The following ZFPM1 variants were observed in gnomAD, a reference collection of about 807,000 sequenced individuals.
The protein encoded by ZFPM1 is zinc finger protein ZFPM1.
In ZFPM1, 28 loss-of-function variants were observed where a neutral mutation model predicts 46.3. That is an observed-to-expected ratio of 0.60 (90% CI 0.45 to 0.83). The LOEUF is 0.83. Ranked by LOEUF, ZFPM1 falls within the 40% of genes least tolerant of loss-of-function variation. The probability of loss-of-function intolerance (pLI) is 0.00; values close to 1 mark genes in which losing one functional copy is unlikely to be tolerated. For synonymous variants in ZFPM1, 957 were observed against 675.9 expected (o/e 1.42, Z -6.45); for missense variants, 1,878 against 1,432.4 (o/e 1.31, Z -5.02).
At position 88,528,105 on chromosome 16, in the gene ZFPM1, GCCCCACAGCA is replaced by G; in HGVS notation, c.584_593del (p.His195ProfsTer5). The G allele has an allele frequency of 6.3e-7, 1 of 1,583,702 alleles. No individual in the cohort carries two copies. The highest frequency in any genetic ancestry group is 8.6e-7 in the Non-Finnish European group (1 of 1,165,910). On this transcript the variant is annotated frameshift_variant, in exon 6 of 10. Transcript: ENST00000319555. LOFTEE classifies it high-confidence loss of function. ...TCCTGAGCGTGCTCCTCACGGCCGA[GCCCCACAGCA>G]CCCCCGGCCACCCTGTGAAGAAGGA...
chr16:88,463,795 C>T (rs939635434), intron 1 of ZFPM1, among the ~76,000 whole-genome samples: 3 of 152,246 alleles, frequency 2.0e-5, no homozygotes, highest in Admixed American at 1.3e-4. Context: ...GAAACTGAGG[C>T]CTTCCTGTGT....
chr16:88,488,799 A>C (rs1909387964), intron 2 of ZFPM1, among the ~76,000 whole-genome samples: 4 of 152,216 alleles, frequency 2.6e-5, no homozygotes, highest in Admixed American at 2.6e-4. Flanking sequence ...CAGCAGCTGG[A>C]ATAACAATTA....
At chr16:88,500,640 C>T (rs1016757649) in intron 3 of ZFPM1, among the ~76,000 whole-genome samples, 9 of 152,386 alleles carry the variant, frequency 5.9e-5, no homozygotes, top group East Asian at 5.8e-4. Flanking sequence ...CCAACCCTCC[C>T]GCTGGCACAA....
chr16:88,503,590 T>C (rs1306655824), intron 3 of ZFPM1, among the ~76,000 whole-genome samples: 5 of 152,120 alleles, frequency 3.3e-5, no homozygotes, highest in African/African-American at 1.2e-4. Context: ...GCCAGCTGCC[T>C]CTCTGTGGAG....
rs914676088 is a variant in ZFPM1, at chr16:88,528,070, G to A, written c.544G>A (p.Ala182Thr). 1.8e-5 allele frequency: 28 copies of A among 1,563,190 alleles called. No homozygotes were observed. Among genetic ancestry groups the A allele is most frequent in the Non-Finnish European group, 2.2e-5 (25 of 1,154,040 alleles). Residue 182 changes from alanine (A) to threonine (T), a missense_variant, in exon 6 of 10, where the codon GCG (alanine) becomes ACG (threonine). Ala to Thr is a moderately conservative substitution (Grantham distance 58). Coordinates refer to ENST00000319555, the MANE Select transcript of ZFPM1 (RefSeq NM_153813.3). ...GTGCAGGGTCACCAAGCCGGTGCCT[G>A]CGGGGGGACTCCTGAGCGTGCTCCT... The part of the protein sequence containing the change: ...LWCRVTKPVP[A>T]GGLLSVLLTA...
At chr16:88,460,794 G>A (rs1162487324) in intron 1 of ZFPM1, among the ~76,000 whole-genome samples, 2 of 152,238 alleles carry the variant, frequency 1.3e-5, no homozygotes, top group Non-Finnish European at 2.9e-5. Context: ...GTCAGGAAGA[G>A]GACCTGACTT....
chr16:88,507,833 C>T (rs1030575342), intron 3 of ZFPM1, among the ~76,000 whole-genome samples: 2 of 152,164 alleles, frequency 1.3e-5, no homozygotes, highest in Non-Finnish European at 2.9e-5. Context: ...TGCAGATGGG[C>T]CCAGCCCCAC....
intron 1 of ZFPM1, among the ~76,000 whole-genome samples, chr16:88,460,922 CG>C (rs1907796742): frequency 3.7e-5 from 1 of 27,194 alleles, no homozygotes; most frequent in Non-Finnish European, 7.6e-5. Context: ...GACCGAGGGG[CG>C]GGGCGGGAGG....
rs903873665 is a variant in ZFPM1 at position 88,522,496 on chromosome 16, G to A, written c.403-4318G>A. The stretch of plus-strand genomic sequence containing the variant: ...GACCGGCCGTTTGGCTCCATGGGCC[G>A]GGCCACCCCAGCAGCCCTGCAAGCT... On this transcript the variant is annotated intron_variant, in intron 4 of 9. Coordinates refer to ENST00000319555, the MANE Select transcript of ZFPM1 (RefSeq NM_153813.3). 3.3e-5 allele frequency among the ~76,000 whole-genome samples: 5 copies of A among 152,348 alleles called. No homozygotes were observed. In the South Asian group the frequency reaches 6.2e-4, roughly 19 times the overall value.
At chr16:88,484,342 C>T (rs748369253) in intron 1 of ZFPM1, among the ~76,000 whole-genome samples, 3 of 152,346 alleles carry the variant, frequency 2.0e-5, no homozygotes, top group East Asian at 1.9e-4. Flanking sequence ...AGGGATGGGG[C>T]GCTCAGCCCT....
At chr16:88,503,348 GC>G (rs1749045053) in intron 3 of ZFPM1, among the ~76,000 whole-genome samples, 1 of 143,540 alleles carries the variant, frequency 7.0e-6, no homozygotes, top group Non-Finnish European at 1.5e-5. Context: ...TGTCTGGGGG[GC>G]CCACGGTTCC....
chr16:88,486,443 G>A (rs1283165135), intron 2 of ZFPM1, among the ~76,000 whole-genome samples: 1 of 152,210 alleles, frequency 6.6e-6, no homozygotes, highest in Non-Finnish European at 1.5e-5. Flanking sequence ...ATGCTGCTTG[G>A]GCTGAGTGCA....
At chr16:88,515,356 A>G (rs1196522884) in intron 4 of ZFPM1, among the ~76,000 whole-genome samples, 2 of 152,146 alleles carry the variant, frequency 1.3e-5, no homozygotes, top group Non-Finnish European at 2.9e-5. Flanking sequence ...CAGGCCCTGG[A>G]GTCTCCTGCC....
rs1277776024 is a variant in ZFPM1 at position 88,534,428 on chromosome 16, G to A, written c.2470G>A (p.Val824Met). 5 of 1,495,116 alleles carry A rather than the reference G, an allele frequency of 3.3e-6. No individual in the cohort carries two copies. In the South Asian group the frequency reaches 3.7e-5, roughly 11 times the overall value. The allele number at this position is 1,495,116 out of a possible 1,614,324, so 92.6% of individuals were successfully genotyped here. A position where few individuals can be genotyped will look rare whatever the true frequency, so the allele number is the denominator to read the frequency against. The change falls in exon 10 of 10, where the codon GTG (valine) becomes ATG (methionine). Residue 824 changes from valine (V) to methionine (M), a missense_variant. Val to Met is a conservative substitution (Grantham distance 21, BLOSUM62 1). Transcript: ENST00000319555. Reference protein sequence around the residue: ...ADYHECTACRVSFHSLEAYLA... With the variant: ...ADYHECTACRMSFHSLEAYLA... ...CTACCACGAGTGCACGGCCTGCCGC[G>A]TGAGCTTCCACAGCCTCGAGGCCTA...
Position 88,480,649 on chromosome 16 carries a change from G to A in ZFPM1, c.41-5290G>A, listed in dbSNP as rs1908889405. Among the ~76,000 whole-genome samples, 1 of 152,230 alleles carries A rather than the reference G, an allele frequency of 6.6e-6. No individual in the cohort carries two copies. Among genetic ancestry groups the A allele is most frequent in the Non-Finnish European group, 1.5e-5 (1 of 68,050 alleles). Reference sequence around the variant, plus strand: ...GGGACTTAGGCTCATCTCAAACACTGAGCCGGAGCAGGGTGCTCCCTGGGC... The same window carrying A: ...GGGACTTAGGCTCATCTCAAACACTAAGCCGGAGCAGGGTGCTCCCTGGGC... On this transcript the variant is annotated intron_variant, in intron 1 of 9. Transcript: ENST00000319555. This position sits in a 1 kb window ranked among gnomAD's most constrained non-coding sequence, Gnocchi z 4.9.
In ZFPM1 at chr16:88,528,225, C is replaced by T. The variant is rs145401494; in HGVS notation, c.699C>T (p.Thr233=). ...CCGGGATGGCCTCCATCCTTGCCACCGCAGTGATCAACAGTAAGTGCTGGG... is the reference window on the plus strand; with the variant it reads ...CCGGGATGGCCTCCATCCTTGCCACTGCAGTGATCAACAGTAAGTGCTGGG... ...QQAGMASILA[T]AVINKDVFPC... Residue 233 remains threonine (T), a synonymous_variant, in exon 6 of 10, where the codon ACC becomes ACT. Coordinates refer to ENST00000319555, the MANE Select transcript of ZFPM1 (RefSeq NM_153813.3). 3.3e-4 allele frequency: 538 copies of T among 1,608,630 alleles called. 3 individuals carry two copies. The highest frequency in any genetic ancestry group is 1.1e-3 in the Admixed American group (64 of 59,838).
intron 1 of ZFPM1, among the ~76,000 whole-genome samples, chr16:88,483,998 C>G (rs369921850): frequency 1.3e-4 from 20 of 152,230 alleles, no homozygotes; most frequent in African/African-American, 4.3e-4. Context: ...GCGTTGGACG[C>G]TGGCGGGTGG....
At chr16:88,520,547 AGGATGGATGGATGGATGGAT>A (rs369543826) in intron 4 of ZFPM1, among the ~76,000 whole-genome samples, 1 of 107,820 alleles carries the variant, frequency 9.3e-6, no homozygotes, top group African/African-American at 4.2e-5. Flanking sequence ...GGTGGCTGAA[AGGATGGATGGATGGATGGAT>A]GGATGGATGG....
chr16:88,494,718 C>A (rs1354100454), intron 3 of ZFPM1, among the ~76,000 whole-genome samples: 1 of 152,086 alleles, frequency 6.6e-6, no homozygotes, highest in African/African-American at 2.4e-5. Flanking sequence ...AGGAGTGCGG[C>A]CCGGTCACTG....
Sources: gnomAD v4.1 joint callset for allele counts (sites outside exome capture counted in the v4.1 genomes callset) on GRCh38, gnomAD v4.1.1 for gene constraint, Gnocchi (gnomAD v3.1) non-coding constraint, MANE v1.5 for transcripts, NCBI Gene and HGNC (gene_info 2026-07-23, HGNC 2026-07-21) for gene names.